SERPING1: variants seen among roughly 807,000 people sequenced by gnomAD.
SERPING1 encodes the protein plasma protease C1 inhibitor.
SERPING1 carries 5 observed loss-of-function variants against 34.1 expected under a neutral mutation model. The ratio of observed to expected loss-of-function variants is 0.15; its 90% CI spans 0.08 to 0.31. The LOEUF is 0.31. Ranked by LOEUF, SERPING1 falls within the 10% of genes least tolerant of loss-of-function variation. The pLI, the probability that SERPING1 is intolerant of heterozygous loss-of-function variation, is 1.00. For missense variants in SERPING1, 505 were observed against 609.5 expected, an observed-to-expected ratio of 0.83 and a Z score of 1.81; for synonymous variants, 225 against 242.4, an observed-to-expected ratio of 0.93 and a Z score of 0.67.
chr11:57,605,684 G>A (rs554288567), intron 4 of SERPING1: 12 of 362,422 alleles, frequency 3.3e-5, no homozygotes, highest in East Asian at 1.3e-4. Context: ...AGTCTATTCC[G>A]TGCCAAAATT....
At chr11:57,613,217 T>C (rs1945500672) in intron 7 of SERPING1, among the ~76,000 whole-genome samples, 1 of 152,184 alleles carries the variant, frequency 6.6e-6, no homozygotes, top group South Asian at 2.1e-4. Flanking sequence ...TGTGGGAGTG[T>C]TTTCTAAGCA....
intron 2 of SERPING1, among the ~76,000 whole-genome samples, chr11:57,599,147 T>G (rs767294861): frequency 6.6e-6 from 1 of 152,112 alleles, no homozygotes; most frequent in Non-Finnish European, 1.5e-5. Context: ...CTGTTGACAT[T>G]GGGGCTGGAT....
At chr11:57,605,638 G>A (rs1389903943) in intron 4 of SERPING1, 1 of 231,486 alleles carries the variant, frequency 4.3e-6, no homozygotes, top group Non-Finnish European at 8.5e-6. Flanking sequence ...AAGCCAGGAA[G>A]TTTTGTCACA....
Position 57,614,534 on chromosome 11 carries a change from C to T in SERPING1, c.1456C>T (p.His486Tyr). Residue 486 changes from histidine to tyrosine, a missense_variant, in exon 8 of 8, where the codon CAC becomes TAC. Coordinates refer to ENST00000278407, the MANE Select transcript of SERPING1 (RefSeq NM_000062.3). ...PFLFVLWDQQHKFPVFMGRVY... is the reference protein window; with the variant it reads ...PFLFVLWDQQYKFPVFMGRVY... ...CCTCTTCGTGCTCTGGGACCAGCAG[C>T]ACAAGTTCCCTGTCTTCATGGGGCG... 2 of 1,614,080 alleles carry T rather than the reference C, an allele frequency of 1.2e-6. No homozygotes were observed. Among genetic ancestry groups the T allele is most frequent in the Non-Finnish European group, 1.7e-6 (2 of 1,179,982 alleles).
In SERPING1 at chr11:57,606,055, ACAG is replaced by A. The variant is rs745356216; in HGVS notation, c.739_741del (p.Ser247del). 2.5e-6 allele frequency: 4 copies of A among 1,614,026 alleles called. No homozygotes were observed. In the African/African-American group the frequency reaches 5.3e-5, roughly 22 times the overall value. ...TTTGTGAATGCCTCTCGGACCCTGTACAGCAGCAGCCCCAGAGTCCTAAGCAAC... is the reference window on the plus strand; with the variant it reads ...TTTGTGAATGCCTCTCGGACCCTGTACAGCAGCCCCAGAGTCCTAAGCAAC... On this transcript the variant is annotated inframe_deletion, in exon 5 of 8. Coordinates refer to ENST00000278407, the MANE Select transcript of SERPING1 (RefSeq NM_000062.3).
chr11:57,609,039 G>A (rs1945445520), intron 6 of SERPING1, among the ~76,000 whole-genome samples: 1 of 152,132 alleles, frequency 6.6e-6, no homozygotes, highest in African/African-American at 2.4e-5. Flanking sequence ...AGCACTTTAG[G>A]AGGCTGAGGC....
At chr11:57,603,554 A>G (rs1304468328) in intron 4 of SERPING1, among the ~76,000 whole-genome samples, 5 of 150,836 alleles carry the variant, frequency 3.3e-5, no homozygotes, top group Admixed American at 6.6e-5. Context: ...CTCAAAAAAA[A>G]AAGGCCGGGC....
In SERPING1 at chr11:57,599,949, G is replaced by A. The variant is rs749244898; in HGVS notation, c.122G>A (p.Gly41Asp). The A allele has an allele frequency of 1.2e-6, 2 of 1,614,176 alleles. No homozygotes were observed. Among genetic ancestry groups the A allele is most frequent in the South Asian group, 2.2e-5 (2 of 91,082 alleles). The part of the protein sequence containing the change: ...SQDPESLQDR[G>D]EGKVATTVIS... ...GATCCAGAGAGTTTGCAAGACAGAG[G>A]CGAAGGGAAGGTCGCAACAACAGTT... is the stretch of plus-strand genomic sequence containing the variant. The change falls in exon 3 of 8, where the codon GGC becomes GAC. Residue 41 changes from glycine to aspartate, a missense_variant. Coordinates refer to ENST00000278407, the MANE Select transcript of SERPING1 (RefSeq NM_000062.3).
In SERPING1 at chr11:57,606,440, A is replaced by G; in HGVS notation, c.922A>G (p.Thr308Ala). The G allele has an allele frequency of 6.2e-7, 1 of 1,614,138 alleles. No homozygotes were observed. Among genetic ancestry groups the G allele is most frequent in the Non-Finnish European group, 8.5e-7 (1 of 1,180,016 alleles). The part of the protein sequence containing the change: ...KWKTTFDPKK[T>A]RMEPFHFKNS... ...GAAGACAACATTTGATCCCAAGAAA[A>G]CCAGAATGGAACCCTTTCACTTCAA... Residue 308 changes from threonine (T) to alanine (A), a missense_variant, in exon 6 of 8, where the codon ACC becomes GCC. Physicochemically the swap from Thr to Ala is moderately conservative, Grantham distance 58. Coordinates refer to ENST00000278407, the MANE Select transcript of SERPING1 (RefSeq NM_000062.3).
At chr11:57,598,724 G>A (rs1368141965) in intron 2 of SERPING1, among the ~76,000 whole-genome samples, 2 of 152,172 alleles carry the variant, frequency 1.3e-5, no homozygotes, top group Non-Finnish European at 2.9e-5. Context: ...AAAGAGCTGT[G>A]GGGAGGAGAG....
In SERPING1 at chr11:57,611,816, T is replaced by A; in HGVS notation, c.1129T>A (p.Ser377Thr). 1 of 1,614,194 alleles carries A rather than the reference T, an allele frequency of 6.2e-7. No homozygotes were observed. The highest frequency in any genetic ancestry group is 1.1e-5 in the South Asian group (1 of 91,082). ...AGACATGGAACAGGCTCTCAGCCCT[T>A]CTGTTTTCAAGGCCATCATGGAGAA... ...LEDMEQALSPSVFKAIMEKLE... is the reference protein window; with the variant it reads ...LEDMEQALSPTVFKAIMEKLE... The change falls in exon 7 of 8, where the codon TCT (serine) becomes ACT (threonine). Residue 377 changes from serine (S) to threonine (T), a missense_variant. Physicochemically the swap from Ser to Thr is moderately conservative, Grantham distance 58. Coordinates refer to ENST00000278407, the MANE Select transcript of SERPING1 (RefSeq NM_000062.3).
chr11:57,612,620 T>C (rs1945491514), intron 7 of SERPING1, among the ~76,000 whole-genome samples: 1 of 152,058 alleles, frequency 6.6e-6, no homozygotes, highest in African/African-American at 2.4e-5. Context: ...GGTTTCACTG[T>C]GTTAACCAGG....
chr11:57,610,761 C>A (rs1405618856), intron 6 of SERPING1, among the ~76,000 whole-genome samples: 1 of 152,186 alleles, frequency 6.6e-6, no homozygotes, highest in African/African-American at 2.4e-5. Context: ...GCCAGTAGCA[C>A]TGTGTGCACA....
At chr11:57,613,579 G>A (rs1227244949) in intron 7 of SERPING1, among the ~76,000 whole-genome samples, 1 of 152,200 alleles carries the variant, frequency 6.6e-6, no homozygotes, top group Admixed American at 6.5e-5. Context: ...GAAGGGTCCT[G>A]GGCCCAGCAG....
intron 4 of SERPING1, among the ~76,000 whole-genome samples, chr11:57,602,773 AAAACAAAAAC>A (rs1384243974): frequency 3.4e-5 from 3 of 89,122 alleles, no homozygotes; most frequent in South Asian, 3.8e-4. Flanking sequence ...AAACAAAAAC[AAAACAAAAAC>A]AAAAAAAAAA....
chr11:57,611,655 A>T, intron 6 of SERPING1, 62 bp from the exon 7 acceptor site: 1 of 1,450,296 alleles, frequency 6.9e-7, no homozygotes, highest in Non-Finnish European at 9.7e-7. Flanking sequence ...ATTGTGACAG[A>T]GGGTGGGGCC....
intron 3 of SERPING1, 127 bp downstream of exon 3, chr11:57,600,504 G>T (rs973437466): frequency 2.0e-6 from 2 of 989,380 alleles, no homozygotes; most frequent in African/African-American, 3.2e-5. Context: ...TATATTGGGG[G>T]TGGGGTAGAG....
At chr11:57,597,976 C>A in intron 1 of SERPING1, 1 of 482,604 alleles carries the variant, frequency 2.1e-6, no homozygotes, top group Non-Finnish European at 3.8e-6. Context: ...AGGACCCCCT[C>A]CCCCTCCCAC....
chr11:57,598,577 C>T (rs1945313807), intron 2 of SERPING1, among the ~76,000 whole-genome samples: 2 of 152,202 alleles, frequency 1.3e-5, no homozygotes, highest in South Asian at 4.1e-4. Flanking sequence ...TCACTTTTCT[C>T]AGCCTACTCC....
Sources: allele counts gnomAD v4.1 joint callset (sites outside exome capture counted in the v4.1 genomes callset), GRCh38; gene constraint gnomAD v4.1.1; transcripts MANE v1.5; gene names NCBI Gene and HGNC (gene_info 2026-07-23, HGNC 2026-07-21).